Variants in RHOQ observed in about 807,000 individuals in gnomAD.
RHOQ encodes ras homolog family member Q, also known as rho-related GTP-binding protein RhoQ.
In RHOQ, 7 loss-of-function variants were observed where a neutral mutation model predicts 25.8. The ratio of observed to expected loss-of-function variants is 0.27; its 90% CI spans 0.15 to 0.51. The LOEUF (loss-of-function observed/expected upper bound fraction) is 0.51, where lower values mean the gene tolerates loss of function less well. Ranked by LOEUF, RHOQ falls within the 20% of genes least tolerant of loss-of-function variation. The pLI is 0.97. For synonymous variants in RHOQ, 97 were observed against 98.6 expected, an observed-to-expected ratio of 0.98 and a Z score of 0.10; for missense variants, 165 against 260.6, an observed-to-expected ratio of 0.63 and a Z score of 2.53.
chr2:46,573,052 G>A (rs1668986548), intron 2 of RHOQ, among the ~76,000 whole-genome samples: 1 of 145,764 alleles, frequency 6.9e-6, no homozygotes, highest in Admixed American at 7.2e-5. Context: ...TCTCATTCTT[G>A]TACTAACTGC....
intron 2 of RHOQ, among the ~76,000 whole-genome samples, chr2:46,575,793 C>G (rs79753796): frequency 2.0e-5 from 3 of 152,066 alleles, no homozygotes; most frequent in African/African-American, 7.2e-5. Context: ...ATTCTTTGTG[C>G]AAACTTTTTA....
chr2:46,554,786 TTTC>T (rs1262853895), intron 2 of RHOQ, among the ~76,000 whole-genome samples: 7 of 147,012 alleles, frequency 4.8e-5, no homozygotes, highest in African/African-American at 1.8e-4. Flanking sequence ...TTTTTCTTTC[TTTC>T]TTTTTTTTTT....
At chr2:46,543,662 T>G in intron 1 of RHOQ, 92 bp from the exon 2 acceptor site, 1 of 1,120,394 alleles carries the variant, frequency 8.9e-7, no homozygotes, top group Non-Finnish European at 1.3e-6. Context: ...TCTAGCTGGG[T>G]TGGGAGAGGA....
intron 2 of RHOQ, among the ~76,000 whole-genome samples, chr2:46,562,214 G>A (rs1668599020): frequency 1.3e-5 from 2 of 152,112 alleles, no homozygotes; most frequent in East Asian, 3.9e-4. Flanking sequence ...ACTGCTGCCA[G>A]CCCAACTGCT....
chr2:46,576,113 A>G lies in RHOQ; in HGVS notation c.228A>G (p.Leu76=). ...AAGACTATGACCGTCTGAGGCCTTT[A>G]TCTTACCCAATGACCGATGTCTTCC... ...GQEDYDRLRP[L]SYPMTDVFLI... Residue 76 remains leucine (L), a synonymous_variant, in exon 3 of 5, where the codon TTA becomes TTG. Transcript: ENST00000238738. This position sits in a 1 kb window ranked among gnomAD's most constrained non-coding sequence, Gnocchi z 5.1. 6.2e-7 allele frequency: 1 copy of G among 1,611,186 alleles called. No individual in the cohort carries two copies. The highest frequency in any genetic ancestry group is 8.5e-7 in the Non-Finnish European group (1 of 1,179,016).
At chr2:46,547,168 G>GT (rs745964454) in intron 2 of RHOQ, among the ~76,000 whole-genome samples, 2 of 152,200 alleles carry the variant, frequency 1.3e-5, no homozygotes, top group African/African-American at 2.4e-5. Context: ...GGCACTACAG[G>GT]TCAGTTGCCT....
At chr2:46,549,108 T>C (rs893657509) in intron 2 of RHOQ, among the ~76,000 whole-genome samples, 2 of 152,178 alleles carry the variant, frequency 1.3e-5, no homozygotes, top group African/African-American at 4.8e-5. Context: ...TCTGTTTGGC[T>C]TCTCCACTTC....
In RHOQ at chr2:46,543,041, A is replaced by G. The variant is rs1169923981; in HGVS notation, c.-6A>G. ...GGACCATGCCCGGAGGCCGGCCGGC[A>G]GCAGCATGGCTCACGGGCCCGGCGC... is the stretch of plus-strand genomic sequence containing the variant. On this transcript the variant is annotated 5_prime_UTR_variant, in exon 1 of 5. Transcript: ENST00000238738. The G allele has an allele frequency of 1.3e-6, 2 of 1,583,022 alleles. No homozygotes were observed. The highest frequency in any genetic ancestry group is 2.8e-5 in the African/African-American group (2 of 71,756).
At chr2:46,577,995 G>C (rs751552032) in intron 4 of RHOQ, among the ~76,000 whole-genome samples, 1 of 152,108 alleles carries the variant, frequency 6.6e-6, no homozygotes, top group Non-Finnish European at 1.5e-5. Context: ...GAGATGGATG[G>C]CAGAAAAATG....
chr2:46,560,131 G>A (rs1668529781), intron 2 of RHOQ, among the ~76,000 whole-genome samples: 1 of 152,178 alleles, frequency 6.6e-6, no homozygotes, highest in African/African-American at 2.4e-5. Context: ...CGCTCTTCTG[G>A]TTCCCATAGC....
intron 1 of RHOQ, 126 bp from the exon 2 acceptor site, chr2:46,543,628 T>G: frequency 1.3e-6 from 1 of 771,736 alleles, no homozygotes; most frequent in Non-Finnish European, 2.2e-6. Flanking sequence ...GGGGGTGACA[T>G]CTCGCGGGGA....
At chr2:46,554,271 A>T (rs963066441) in intron 2 of RHOQ, among the ~76,000 whole-genome samples, 5 of 152,028 alleles carry the variant, frequency 3.3e-5, no homozygotes, top group African/African-American at 7.2e-5. Flanking sequence ...CTCCCTATCC[A>T]GTTCACCTGG....
chr2:46,581,697 A>T lies in RHOQ; in HGVS notation c.*614A>T, dbSNP rs1669383183. On this transcript the variant is annotated 3_prime_UTR_variant, in exon 5 of 5. Coordinates refer to ENST00000238738, the MANE Select transcript of RHOQ (RefSeq NM_012249.4). The stretch of plus-strand genomic sequence containing the variant: ...TATTAAAGCTTAATGTGCTTTCTTA[A>T]AGAATGCCAAAAGTGTAATAAGGTC... The T allele has an allele frequency of 1.4e-6, 2 of 1,447,548 alleles. No individual in the cohort carries two copies. Among genetic ancestry groups the T allele is most frequent in the African/African-American group, 2.9e-5 (2 of 70,008 alleles). 89.7% of individuals were successfully genotyped at this position (1,447,548 alleles called of 1,614,324 possible).
At chr2:46,575,399 TCACACACACACACACACACA>T (rs56002979) in intron 2 of RHOQ, among the ~76,000 whole-genome samples, 47 of 138,326 alleles carry the variant, frequency 3.4e-4, no homozygotes, top group African/African-American at 1.1e-3. Flanking sequence ...CTTTAAATCT[TCACACACACACACACACACA>T]CACACACACA....
intron 2 of RHOQ, among the ~76,000 whole-genome samples, chr2:46,560,319 GT>G (rs901447505): frequency 6.6e-6 from 1 of 152,112 alleles, no homozygotes; most frequent in African/African-American, 2.4e-5. Context: ...GTGGCTTTAT[GT>G]TTTTTAAAAC....
rs1468636674 is a variant in RHOQ at position 46,546,496 on chromosome 2, A to G, written c.201+2684A>G. Among the ~76,000 whole-genome samples the G allele has an allele frequency of 1.5e-4, 3 of 20,380 alleles. 1 individual carries two copies. The highest frequency in any genetic ancestry group is 2.3e-4 in the African/African-American group (1 of 4,440). The allele number at this position is 20,380 out of a possible 152,430, so 13.4% of individuals were successfully genotyped here. Reference sequence around the variant, plus strand: ...TATGTGTATATATATATATATATATATATATATATATATATGTATATACAT... The same window carrying G: ...TATGTGTATATATATATATATATATGTATATATATATATATGTATATACAT... On this transcript the variant is annotated intron_variant, in intron 2 of 4. Coordinates refer to ENST00000238738, the MANE Select transcript of RHOQ (RefSeq NM_012249.4).
intron 2 of RHOQ, among the ~76,000 whole-genome samples, chr2:46,550,491 C>T (rs74991950): frequency 0.012 from 1,814 of 152,266 alleles, 36 homozygotes; most frequent in African/African-American, 0.043. Context: ...CTGTCTGTCC[C>T]CCAACACTCT....
intron 2 of RHOQ, among the ~76,000 whole-genome samples, chr2:46,558,111 G>A (rs1262824540): frequency 2.6e-5 from 4 of 152,304 alleles, no homozygotes; most frequent in Admixed American, 2.6e-4. Flanking sequence ...GTCATATCAA[G>A]TATTCTGTCA....
intron 2 of RHOQ, among the ~76,000 whole-genome samples, chr2:46,553,803 T>A (rs1668325273): frequency 6.6e-6 from 1 of 152,128 alleles, no homozygotes; most frequent in Non-Finnish European, 1.5e-5. Flanking sequence ...GGTCCCGAAC[T>A]TCTGACCTTG....
Sources: allele counts gnomAD v4.1 joint callset (sites outside exome capture counted in the v4.1 genomes callset), GRCh38; gene constraint gnomAD v4.1.1; non-coding constraint Gnocchi (gnomAD v3.1); transcripts MANE v1.5; gene names NCBI Gene and HGNC (gene_info 2026-07-23, HGNC 2026-07-21).